PGM5: variants seen among roughly 807,000 people sequenced by gnomAD.
The protein encoded by PGM5 is phosphoglucomutase 5.
PGM5 carries 23 observed loss-of-function variants against 59.2 expected under a neutral mutation model. The ratio of observed to expected loss-of-function variants is 0.39; its 90% CI spans 0.28 to 0.55. The LOEUF (loss-of-function observed/expected upper bound fraction) is 0.55, where lower values mean the gene tolerates loss of function less well. Ranked by LOEUF, PGM5 falls within the 20% of genes least tolerant of loss-of-function variation. The pLI is 0.66. For synonymous variants in PGM5, 214 were observed against 286.0 expected (o/e 0.75, Z 2.54); for missense variants, 574 against 748.3 (o/e 0.77, Z 2.72).
chr9:68,446,888 G>A (rs1554684036), intron 6 of PGM5, among the ~76,000 whole-genome samples: 1 of 152,110 alleles, frequency 6.6e-6, no homozygotes, highest in Non-Finnish European at 1.5e-5. Flanking sequence ...CTCCTGATCG[G>A]CATTCCTCCA....
chr9:68,438,405 G>A (rs1213279362), intron 6 of PGM5, among the ~76,000 whole-genome samples: 3 of 150,778 alleles, frequency 2.0e-5, no homozygotes, highest in Admixed American at 6.6e-5. Flanking sequence ...AACATTTCCT[G>A]TGGAGCTTTC....
chr9:68,494,453 G>A (rs1394389552), intron 9 of PGM5, among the ~76,000 whole-genome samples: 1 of 152,110 alleles, frequency 6.6e-6, no homozygotes, highest in Admixed American at 6.6e-5. Context: ...TGATAGATGA[G>A]GCAAGTGACC....
chr9:68,503,791 G>A (rs951465663), intron 10 of PGM5, among the ~76,000 whole-genome samples: 3 of 152,226 alleles, frequency 2.0e-5, no homozygotes, highest in South Asian at 2.1e-4. Context: ...CTTGGTGAAA[G>A]TACCCATGCT....
intron 2 of PGM5, among the ~76,000 whole-genome samples, chr9:68,381,707 G>T (rs1220049173): frequency 6.6e-6 from 1 of 151,208 alleles, no homozygotes; most frequent in Non-Finnish European, 1.5e-5. Flanking sequence ...TCAGTAAATT[G>T]CAGGATACAA....
At chr9:68,505,560 C>T (rs1824640483) in intron 10 of PGM5, among the ~76,000 whole-genome samples, 1 of 152,154 alleles carries the variant, frequency 6.6e-6, no homozygotes, top group Non-Finnish European at 1.5e-5. Context: ...GACTCACTGA[C>T]CTCAGAAAAG....
At chr9:68,467,010 T>C (rs1823945712) in intron 7 of PGM5, among the ~76,000 whole-genome samples, 1 of 152,176 alleles carries the variant, frequency 6.6e-6, no homozygotes, top group Admixed American at 6.5e-5. Context: ...AGAAGGTTTT[T>C]AGCGTGTACA....
chr9:68,456,520 C>T (rs1640591537), intron 6 of PGM5, among the ~76,000 whole-genome samples: 1 of 151,308 alleles, frequency 6.6e-6, no homozygotes, highest in Non-Finnish European at 1.5e-5. Context: ...GGGGTTTCAC[C>T]CCATCAGCCA....
rs969823814 is a variant in PGM5, at chr9:68,446,374, C to T, written c.1044-18719C>T. ...CTCATTTCATACACCCTCTTGTCTT[C>T]GTTGCGTCCAACCTTAGGATAGAGA... is the stretch of plus-strand genomic sequence containing the variant. On this transcript the variant is annotated intron_variant, in intron 6 of 10. Transcript: ENST00000396396. Among the ~76,000 whole-genome samples, 4 of 152,270 alleles carry T rather than the reference C, an allele frequency of 2.6e-5. No homozygotes were observed. The East Asian group carries it at 5.8e-4, about 22-fold the overall frequency.
intron 1 of PGM5, among the ~76,000 whole-genome samples, chr9:68,375,475 C>T (rs1821855274): frequency 1.3e-5 from 2 of 152,224 alleles, no homozygotes; most frequent in African/African-American, 4.8e-5. Flanking sequence ...TATCAACACT[C>T]GACTCGAAGA....
chr9:68,370,584 A>G (rs1821666922), intron 1 of PGM5, among the ~76,000 whole-genome samples: 2 of 152,224 alleles, frequency 1.3e-5, no homozygotes, highest in African/African-American at 4.8e-5. Flanking sequence ...TTAAAAAACC[A>G]TAGTTGTATA....
chr9:68,401,504 G>C (rs1554680602), intron 6 of PGM5, among the ~76,000 whole-genome samples: 3 of 152,052 alleles, frequency 2.0e-5, no homozygotes. Flanking sequence ...GTCTAAACAA[G>C]TCACTTTGAC....
chr9:68,398,150 C>T (rs1822559458), intron 6 of PGM5: 1 of 148,984 alleles, frequency 6.7e-6, no homozygotes, highest in Non-Finnish European at 1.5e-5. Flanking sequence ...TACTCAGTCT[C>T]CCATACATTG....
At chr9:68,502,094 C>T (rs902639503) in intron 10 of PGM5, among the ~76,000 whole-genome samples, 8 of 152,142 alleles carry the variant, frequency 5.3e-5, no homozygotes, top group African/African-American at 1.2e-4. Flanking sequence ...TATGTGCCTA[C>T]GAATTGGTGG....
intron 6 of PGM5, among the ~76,000 whole-genome samples, chr9:68,443,584 A>G (rs781932761): frequency 1.9e-4 from 29 of 152,184 alleles, no homozygotes; most frequent in Non-Finnish European, 3.7e-4. Flanking sequence ...ACTTCTCTGG[A>G]GCAACTACCA....
intron 4 of PGM5, among the ~76,000 whole-genome samples, chr9:68,391,237 A>G (rs1822355854): frequency 1.3e-5 from 2 of 151,908 alleles, no homozygotes; most frequent in Admixed American, 1.3e-4. Flanking sequence ...ACAATGAATC[A>G]TTATTATGTA....
At chr9:68,528,397 A>T (rs1481962335) in intron 10 of PGM5, among the ~76,000 whole-genome samples, 1 of 152,062 alleles carries the variant, frequency 6.6e-6, no homozygotes, top group Non-Finnish European at 1.5e-5. Context: ...GGCACACACC[A>T]CTGCACTCAG....
At chr9:68,395,256 T>G (rs1822470209) in intron 6 of PGM5, among the ~76,000 whole-genome samples, 1 of 152,172 alleles carries the variant, frequency 6.6e-6, no homozygotes, top group Admixed American at 6.6e-5. Context: ...TGAATAGCCT[T>G]GGCACCATTA....
At chr9:68,431,012 A>G (rs1017930054) in intron 6 of PGM5, among the ~76,000 whole-genome samples, 4 of 152,192 alleles carry the variant, frequency 2.6e-5, no homozygotes, top group Non-Finnish European at 4.4e-5. Context: ...TCTAGAATAT[A>G]TTATAACCTG....
At chr9:68,427,779 G>A (rs1823262747) in intron 6 of PGM5, among the ~76,000 whole-genome samples, 1 of 152,136 alleles carries the variant, frequency 6.6e-6, no homozygotes, top group Non-Finnish European at 1.5e-5. Context: ...ACTTAAGGCT[G>A]GATGAAAACC....
Sources: gnomAD v4.1 joint callset for allele counts (sites outside exome capture counted in the v4.1 genomes callset) on GRCh38, gnomAD v4.1.1 for gene constraint, MANE v1.5 for transcripts, NCBI Gene and HGNC (gene_info 2026-07-23, HGNC 2026-07-21) for gene names.